The following ADGRV1 variants were observed in gnomAD, a reference collection of about 807,000 sequenced individuals.
ADGRV1 encodes G-protein coupled receptor 98.
Under a neutral mutation model 596.2 loss-of-function variants are expected in ADGRV1, and 359 were observed. The ratio of observed to expected loss-of-function variants is 0.60; its 90% CI spans 0.55 to 0.66. The LOEUF is 0.66. ADGRV1 is among the 30% of genes least tolerant of loss of function. The pLI is 0.00. For synonymous variants in ADGRV1, 2,681 were observed against 2,679.2 expected, an observed-to-expected ratio of 1.00 and a Z score of -0.02; for missense variants, 7,274 against 7,575.6, an observed-to-expected ratio of 0.96 and a Z score of 1.48.
intron 83 of ADGRV1, among the ~76,000 whole-genome samples, chr5:90,933,963 G>A (rs753605482): frequency 6.6e-6 from 1 of 152,166 alleles, no homozygotes; most frequent in Non-Finnish European, 1.5e-5. Context: ...ATCTAGGGAG[G>A]TAGGCAAGGG....
At chr5:91,008,167 T>C (rs1488542084) in intron 85 of ADGRV1, among the ~76,000 whole-genome samples, 1 of 152,208 alleles carries the variant, frequency 6.6e-6, no homozygotes, top group African/African-American at 2.4e-5. Flanking sequence ...GTCTCATTCT[T>C]TTTTGTAATC....
intron 70 of ADGRV1, among the ~76,000 whole-genome samples, chr5:90,794,793 C>T (rs1265411406): frequency 1.3e-5 from 2 of 152,172 alleles, no homozygotes; most frequent in Non-Finnish European, 2.9e-5. Flanking sequence ...GTTCATCTCA[C>T]TGGGACTGGT....
intron 83 of ADGRV1, among the ~76,000 whole-genome samples, chr5:90,873,594 A>C (rs995485687): frequency 3.9e-5 from 6 of 152,158 alleles, no homozygotes; most frequent in African/African-American, 1.4e-4. Flanking sequence ...GCATTTTTAA[A>C]AACTTTTAAA....
chr5:90,578,240 C>T (rs768223444), intron 1 of ADGRV1, among the ~76,000 whole-genome samples: 87 of 152,158 alleles, frequency 5.7e-4, no homozygotes, highest in Admixed American at 1.2e-3. Context: ...ATGATATTGG[C>T]TGTGGGTTTG....
chr5:90,949,464 A>G (rs1366845976), intron 83 of ADGRV1, among the ~76,000 whole-genome samples: 2 of 152,218 alleles, frequency 1.3e-5, no homozygotes, highest in Non-Finnish European at 2.9e-5. Context: ...CGATCTTGCA[A>G]ATCATGTAGT....
chr5:90,647,625 A>G lies in ADGRV1; in HGVS notation c.3150A>G (p.Arg1050=). ...ATGGGAAGGCTACTGCAAGAGAGAG[A>G]GATTTCATTCCTGTTGAAAAAGGAG... is the stretch of plus-strand genomic sequence containing the variant. ...TKDGKATARE[R]DFIPVEKGET... Residue 1050 remains arginine, a synonymous_variant, in exon 17 of 90, where the codon AGA becomes AGG. Coordinates refer to ENST00000405460, the MANE Select transcript of ADGRV1 (RefSeq NM_032119.4). 1 of 1,613,944 alleles carries G rather than the reference A, an allele frequency of 6.2e-7. No individual in the cohort carries two copies. Among genetic ancestry groups the G allele is most frequent in the Non-Finnish European group, 8.5e-7 (1 of 1,179,872 alleles).
chr5:90,625,312 T>A, intron 6 of ADGRV1, 69 bp downstream of exon 6: 2 of 962,782 alleles, frequency 2.1e-6, no homozygotes. Context: ...TGTATAAACT[T>A]AGTGTATTGT....
At chr5:90,954,114 T>C (rs1262173914) in intron 83 of ADGRV1, among the ~76,000 whole-genome samples, 1 of 151,150 alleles carries the variant, frequency 6.6e-6, no homozygotes, top group African/African-American at 2.4e-5. Flanking sequence ...ATATTAGATA[T>C]CCACATGTCA....
At chr5:90,865,658 A>C (rs966810694) in intron 83 of ADGRV1, among the ~76,000 whole-genome samples, 1 of 152,086 alleles carries the variant, frequency 6.6e-6, no homozygotes, top group African/African-American at 2.4e-5. Flanking sequence ...TTTTGGCAGG[A>C]AGAATTGGTA....
chr5:90,614,172 A>AT (rs2152048827), intron 1 of ADGRV1: 1 of 352,966 alleles, frequency 2.8e-6, no homozygotes, highest in South Asian at 2.2e-5. Flanking sequence ...AAAAAAAAAA[A>AT]GAAAGTTGTC....
chr5:91,077,088 G>A (rs1035236487), intron 86 of ADGRV1, among the ~76,000 whole-genome samples: 9 of 152,204 alleles, frequency 5.9e-5, no homozygotes, highest in Admixed American at 2.6e-4. Context: ...AGGTGGTACT[G>A]TAAATTCACG....
At position 90,690,857 on chromosome 5, in the gene ADGRV1, T is replaced by G; in HGVS notation, c.6767T>G (p.Leu2256Arg). 6.2e-7 allele frequency: 1 copy of G among 1,610,138 alleles called. No individual in the cohort carries two copies. The highest frequency in any genetic ancestry group is 8.5e-7 in the Non-Finnish European group (1 of 1,177,762). Residue 2256 changes from leucine to arginine, a missense_variant, in exon 31 of 90, where the codon CTG (leucine) becomes CGG (arginine). Coordinates refer to ENST00000405460, the MANE Select transcript of ADGRV1 (RefSeq NM_032119.4). Reference sequence around the variant, plus strand: ...GAGTTTAACTCAGTGAAGGTAAACCTGCCAATAATTCGAAATTCTGGGACA... The same window carrying G: ...GAGTTTAACTCAGTGAAGGTAAACCGGCCAATAATTCGAAATTCTGGGACA... ...EPEFNSVKVNLPIIRNSGTLG... is the reference protein window; with the variant it reads ...EPEFNSVKVNRPIIRNSGTLG...
chr5:91,022,209 G>T (rs550348492), intron 85 of ADGRV1, among the ~76,000 whole-genome samples: 1 of 151,988 alleles, frequency 6.6e-6, no homozygotes, highest in Admixed American at 6.6e-5. Context: ...TGCCGGATTC[G>T]ATTGTAGCAG....
At chr5:90,598,874 T>C (rs1478247279) in intron 1 of ADGRV1, among the ~76,000 whole-genome samples, 1 of 152,224 alleles carries the variant, frequency 6.6e-6, no homozygotes, top group Non-Finnish European at 1.5e-5. Context: ...AAGGAATTAA[T>C]AATCTTCGTT....
At chr5:91,131,965 C>T (rs889843575) in intron 87 of ADGRV1, among the ~76,000 whole-genome samples, 1 of 152,068 alleles carries the variant, frequency 6.6e-6, no homozygotes, top group East Asian at 1.9e-4. Context: ...TTTGAGTTAA[C>T]TTTTGTATAT....
At chr5:90,856,421 TC>T (rs1207776365) in intron 82 of ADGRV1, among the ~76,000 whole-genome samples, 10 of 152,320 alleles carry the variant, frequency 6.6e-5, no homozygotes, top group Non-Finnish European at 7.4e-5. Context: ...CATCTAGGCC[TC>T]ATATTTGGCA....
intron 70 of ADGRV1, among the ~76,000 whole-genome samples, chr5:90,794,232 G>A (rs549199611): frequency 1.6e-3 from 247 of 152,242 alleles, no homozygotes; most frequent in Non-Finnish European, 2.9e-3. Flanking sequence ...TTTTAACAGG[G>A]TAGGTTTCCA....
At chr5:91,078,042 G>A (rs1314107705) in intron 86 of ADGRV1, among the ~76,000 whole-genome samples, 1 of 152,042 alleles carries the variant, frequency 6.6e-6, no homozygotes, top group Non-Finnish European at 1.5e-5. Flanking sequence ...ATGGAAATGT[G>A]GCTGGATCCA....
At chr5:91,121,391 C>T (rs1422039903) in intron 87 of ADGRV1, among the ~76,000 whole-genome samples, 2 of 152,102 alleles carry the variant, frequency 1.3e-5, no homozygotes, top group Non-Finnish European at 2.9e-5. Flanking sequence ...AACCAGAAGC[C>T]GTGCCAGGGG....
Sources: gnomAD v4.1 joint callset for allele counts (sites outside exome capture counted in the v4.1 genomes callset) on GRCh38, gnomAD v4.1.1 for gene constraint, MANE v1.5 for transcripts, NCBI Gene and HGNC (gene_info 2026-07-23, HGNC 2026-07-21) for gene names.